The following GNG7 variants were observed in gnomAD, a reference collection of about 807,000 sequenced individuals.
The protein encoded by GNG7 is G protein subunit gamma 7.
In GNG7, 1 loss-of-function variant was observed where a neutral mutation model predicts 4.0. The observed-to-expected ratio is 0.25, with a 90% confidence interval of 0.09 to 1.18. The LOEUF is 1.18. Among genes scored for constraint, GNG7 ranks in the 50% most tolerant of loss-of-function variants. The pLI, the probability that GNG7 is intolerant of heterozygous loss-of-function variation, is 0.50. For synonymous variants in GNG7, 34 were observed against 36.9 expected (o/e 0.92, Z 0.29); for missense variants, 86 against 91.9 (o/e 0.94, Z 0.26).
At chr19:2,556,162 G>C (rs1279707396) in intron 2 of GNG7, among the ~76,000 whole-genome samples, 1 of 152,268 alleles carries the variant, frequency 6.6e-6, no homozygotes, top group African/African-American at 2.4e-5. Flanking sequence ...AATGAACCCA[G>C]ATGCCAGGTT....
intron 2 of GNG7, among the ~76,000 whole-genome samples, chr19:2,583,947 T>G (rs548585024): frequency 6.6e-6 from 1 of 152,302 alleles, no homozygotes; most frequent in South Asian, 2.1e-4. Flanking sequence ...TCTATGATTA[T>G]TCAGAAAAGT....
At chr19:2,623,619 G>A (rs757186106) in intron 2 of GNG7, among the ~76,000 whole-genome samples, 29 of 152,226 alleles carry the variant, frequency 1.9e-4, no homozygotes, top group African/African-American at 9.6e-5. Context: ...GGTGGCTCAC[G>A]CCTTTAATCC....
chr19:2,533,550 G>A (rs1978656459), intron 3 of GNG7, among the ~76,000 whole-genome samples: 1 of 152,044 alleles, frequency 6.6e-6, no homozygotes, highest in Non-Finnish European at 1.5e-5. Flanking sequence ...TCATCTTACT[G>A]CATTTGAATT....
At chr19:2,552,663 G>C (rs1355815264) in intron 3 of GNG7, among the ~76,000 whole-genome samples, 2 of 151,400 alleles carry the variant, frequency 1.3e-5, no homozygotes, top group Admixed American at 6.7e-5. Flanking sequence ...GGGGTTATAG[G>C]CGTGAGCCAC....
intron 4 of GNG7, 114 bp downstream of exon 4, chr19:2,520,494 G>A (rs1296311953): frequency 4.1e-5 from 26 of 637,314 alleles, no homozygotes; most frequent in Admixed American, 9.5e-5. Context: ...AGGTCACACA[G>A]CAAGAGACAC....
chr19:2,695,773 G>C lies in GNG7; in HGVS notation c.-135+6873C>G, dbSNP rs578092440. 2.0e-5 allele frequency among the ~76,000 whole-genome samples: 3 copies of C among 152,242 alleles called. No homozygotes were observed. In the South Asian group the frequency reaches 6.2e-4, roughly 32 times the overall value. The stretch of plus-strand genomic sequence containing the variant: ...TACTAGGAAGGTCCTGCTGGAGCTG[G>C]AGAAACCAGAGGCTGATTCGTCACC... On this transcript the variant is annotated intron_variant, in intron 1 of 4. Coordinates refer to ENST00000382159, the MANE Select transcript of GNG7 (RefSeq NM_052847.3).
chr19:2,657,337 TAAAAAA>T (rs372388972), intron 1 of GNG7, among the ~76,000 whole-genome samples: 154 of 13,678 alleles, frequency 0.011, no homozygotes, highest in African/African-American at 0.018. Flanking sequence ...CCGTCTCAAT[TAAAAAA>T]AAAAAAAAAA....
At chr19:2,680,306 T>G (rs1459160955) in intron 1 of GNG7, among the ~76,000 whole-genome samples, 6 of 151,750 alleles carry the variant, frequency 4.0e-5, no homozygotes, top group Non-Finnish European at 8.8e-5. Context: ...CCCGCCACCA[T>G]GCCTGGCCAA....
Position 2,557,356 on chromosome 19 carries a change from G to C in GNG7, c.-77-2168C>G, listed in dbSNP as rs894822146. Among the ~76,000 whole-genome samples the C allele has an allele frequency of 7.4e-5, 7 of 94,152 alleles. No individual in the cohort carries two copies. The highest frequency in any genetic ancestry group is 7.2e-4 in the South Asian group (2 of 2,764). The allele number at this position is 94,152 out of a possible 152,430, so 61.8% of individuals were successfully genotyped here. A position where few individuals can be genotyped will look rare whatever the true frequency, so the allele number is the denominator to read the frequency against. Reference sequence around the variant, plus strand: ...AGACACACACATGTGCACACACACAGACACACACACACGTGCACGCACACA... The same window carrying C: ...AGACACACACATGTGCACACACACACACACACACACACGTGCACGCACACA... On this transcript the variant is annotated intron_variant, in intron 2 of 4. Transcript: ENST00000382159. The surrounding 1 kb of genome is among the most constrained non-coding windows in gnomAD (Gnocchi z 5.1).
chr19:2,580,048 C>A (rs1980457081), intron 2 of GNG7, among the ~76,000 whole-genome samples: 1 of 152,096 alleles, frequency 6.6e-6, no homozygotes, highest in Admixed American at 6.5e-5. Context: ...CCATTGCACC[C>A]CCCCAGTGCC....
chr19:2,576,005 G>C (rs370501843), intron 2 of GNG7, among the ~76,000 whole-genome samples: 1 of 80,762 alleles, frequency 1.2e-5, no homozygotes, highest in Non-Finnish European at 2.3e-5. Flanking sequence ...TCACACTCAG[G>C]TACACGCAGA....
Position 2,531,370 on chromosome 19 carries a change from C to G in GNG7, c.-37-10645G>C, listed in dbSNP as rs182668638. On this transcript the variant is annotated intron_variant, in intron 3 of 4. Transcript: ENST00000382159. ...GGAAGCAGACAGGTCCTTCTAGCAA[C>G]TACAGCAGAGTTTTGAATAATCTCA... Among the ~76,000 whole-genome samples, 164 of 145,860 alleles carry G rather than the reference C, an allele frequency of 1.1e-3. 1 individual carries two copies. Among genetic ancestry groups the G allele is most frequent in the Non-Finnish European group, 1.9e-3 (126 of 66,772 alleles).
chr19:2,537,224 C>T (rs1278686835), intron 3 of GNG7, among the ~76,000 whole-genome samples: 1 of 151,994 alleles, frequency 6.6e-6, no homozygotes, highest in African/African-American at 2.4e-5. Flanking sequence ...GCTGGGATTA[C>T]AAGCATGAGC....
chr19:2,592,798 G>C (rs1215194710), intron 2 of GNG7, among the ~76,000 whole-genome samples: 4 of 95,588 alleles, frequency 4.2e-5, no homozygotes, highest in Non-Finnish European at 6.8e-5. Flanking sequence ...GGAGGGAAGA[G>C]AGAAAGAAAG....
chr19:2,665,701 C>G (rs554489529), intron 1 of GNG7, among the ~76,000 whole-genome samples: 7 of 152,102 alleles, frequency 4.6e-5, no homozygotes, highest in Non-Finnish European at 1.0e-4. Context: ...GTTTCCCACT[C>G]TGTAGAATGC....
intron 2 of GNG7, among the ~76,000 whole-genome samples, chr19:2,579,115 G>A (rs1051418644): frequency 2.6e-5 from 4 of 152,274 alleles, no homozygotes; most frequent in African/African-American, 9.6e-5. Context: ...CTGCAGCAGA[G>A]GGTCCCGTGA....
At chr19:2,650,183 CTT>C (rs529803793) in intron 1 of GNG7, among the ~76,000 whole-genome samples, 23,269 of 125,562 alleles carry the variant, frequency 0.19, 2,181 homozygotes, top group East Asian at 0.48. Context: ...TCATAGGAAT[CTT>C]TTTTTTTTTT....
intron 2 of GNG7, among the ~76,000 whole-genome samples, chr19:2,627,542 C>G (rs1274114573): frequency 1.3e-5 from 2 of 152,266 alleles, no homozygotes; most frequent in Admixed American, 1.3e-4. Flanking sequence ...GCGTGCCAGC[C>G]AGACCTGGCT....
chr19:2,593,205 C>T (rs1980903319), intron 2 of GNG7, among the ~76,000 whole-genome samples: 1 of 151,964 alleles, frequency 6.6e-6, no homozygotes, highest in African/African-American at 2.4e-5. Flanking sequence ...CTGTGGCCAC[C>T]CAGATTGAGG....
Sources: allele counts gnomAD v4.1 joint callset (sites outside exome capture counted in the v4.1 genomes callset), GRCh38; gene constraint gnomAD v4.1.1; non-coding constraint Gnocchi (gnomAD v3.1); transcripts MANE v1.5; gene names NCBI Gene and HGNC (gene_info 2026-07-23, HGNC 2026-07-21).